ELAPOR2: variants seen among roughly 807,000 people sequenced by gnomAD.
ELAPOR2 encodes endosome-lysosome associated apoptosis and autophagy regulator family member 2, also known as endosome/lysosome-associated apoptosis and autophagy regulator family member 2.
A neutral mutation model predicts 120.7 loss-of-function variants in ELAPOR2; 89 were observed. That is an observed-to-expected ratio of 0.74 (90% CI 0.62 to 0.88). The LOEUF is 0.88. Ranked by LOEUF, ELAPOR2 falls within the 40% of genes least tolerant of loss-of-function variation. The pLI, the probability that ELAPOR2 is intolerant of heterozygous loss-of-function variation, is 0.00. For synonymous variants in ELAPOR2, 444 were observed against 444.9 expected (o/e 1.00, Z 0.03); for missense variants, 1,134 against 1,251.6 (o/e 0.91, Z 1.42).
At chr7:86,988,196 G>A (rs189131003) in intron 1 of ELAPOR2, among the ~76,000 whole-genome samples, 63 of 152,230 alleles carry the variant, frequency 4.1e-4, no homozygotes, top group African/African-American at 1.1e-3. Context: ...AGGGCCTGTC[G>A]TGGGGTCAGG....
intron 10 of ELAPOR2, among the ~76,000 whole-genome samples, chr7:86,924,828 T>C (rs1052080450): frequency 4.6e-5 from 7 of 151,840 alleles, no homozygotes; most frequent in Non-Finnish European, 7.4e-5. Flanking sequence ...AAACATAATA[T>C]AGAGAAAAGT....
In ELAPOR2 at chr7:86,912,095, T is replaced by A. The variant is rs779941430; in HGVS notation, c.2146A>T (p.Asn716Tyr). Residue 716 changes from asparagine (N) to tyrosine (Y), a missense_variant, in exon 15 of 22, where the codon AAT becomes TAT. Physicochemically the swap from Asn to Tyr is moderately radical, Grantham distance 143 (BLOSUM62 -2). Transcript: ENST00000450689. ...ACCTCATGCCCACATAAACTGATAT[T>A]GAAGAAATGGAAGTATTTTGTTCCT... is the stretch of plus-strand genomic sequence containing the variant. ...SKGTKYFHFF[N>Y]ISLCGHEGKK... The A allele has an allele frequency of 6.2e-7, 1 of 1,610,192 alleles. No homozygotes were observed. Among genetic ancestry groups the A allele is most frequent in the South Asian group, 1.1e-5 (1 of 90,922 alleles).
At chr7:86,984,785 C>G (rs368136841) in intron 1 of ELAPOR2, among the ~76,000 whole-genome samples, 49 of 152,174 alleles carry the variant, frequency 3.2e-4, no homozygotes, top group Non-Finnish European at 5.9e-4. Flanking sequence ...ACTAGAGAAG[C>G]AAGAACAAAC....
In ELAPOR2 at chr7:87,059,445, G is replaced by C; in HGVS notation, c.69C>G (p.Arg23=). 1.6e-6 allele frequency: 2 copies of C among 1,228,310 alleles called. No individual in the cohort carries two copies. Among genetic ancestry groups the C allele is most frequent in the Non-Finnish European group, 2.0e-6 (2 of 982,786 alleles). The allele number at this position is 1,228,310 out of a possible 1,614,324, so 76.1% of individuals were successfully genotyped here. A position where few individuals can be genotyped will look rare whatever the true frequency, so the allele number is the denominator to read the frequency against. Residue 23 remains arginine (R), a synonymous_variant, in exon 1 of 22, where the codon CGC becomes CGG. Transcript: ENST00000450689. The part of the protein sequence containing the change: ...GWGRPAEAPR[R]GRSPPWSPAW... ...CGGGGCTCCAGGGCGGCGAGCGCCC[G>C]CGGCGGGGAGCCTCCGCCGGCCGCC... is the stretch of plus-strand genomic sequence containing the variant.
chr7:87,010,930 T>TA (rs1389200195), intron 1 of ELAPOR2, among the ~76,000 whole-genome samples: 3 of 151,262 alleles, frequency 2.0e-5, no homozygotes. Context: ...CTTTGGAAAA[T>TA]AAAAAAATGT....
At position 86,879,628 on chromosome 7, in the gene ELAPOR2, T is replaced by C. The variant is rs1799305853; in HGVS notation, c.*843A>G. On this transcript the variant is annotated 3_prime_UTR_variant, in exon 22 of 22. Coordinates refer to ENST00000450689, the MANE Select transcript of ELAPOR2 (RefSeq NM_001142749.3). ...CCTTCTCACTCTCTTCTTCATGATT[T>C]TGCCAGTGATTTGATTGACAAGCTT... The C allele has an allele frequency of 6.6e-6, 1 of 152,204 alleles. No individual in the cohort carries two copies. The highest frequency in any genetic ancestry group is 1.5e-5 in the Non-Finnish European group (1 of 68,026). 9.4% of individuals were successfully genotyped at this position (152,204 alleles called of 1,614,324 possible). A position where few individuals can be genotyped will look rare whatever the true frequency, so the allele number is the denominator to read the frequency against.
intron 16 of ELAPOR2, 114 bp from the exon 17 acceptor site, chr7:86,908,657 G>A: frequency 7.4e-6 from 4 of 539,338 alleles, no homozygotes; most frequent in Non-Finnish European, 1.3e-5. Flanking sequence ...AATATTTACA[G>A]AAATGCTGTA....
Position 86,979,844 on chromosome 7 carries a change from G to A in ELAPOR2, c.190-14820C>T, listed in dbSNP as rs887239763. Among the ~76,000 whole-genome samples, 4 of 152,202 alleles carry A rather than the reference G, an allele frequency of 2.6e-5. No individual in the cohort carries two copies. In the East Asian group the frequency reaches 5.8e-4, roughly 22 times the overall value. Reference sequence around the variant, plus strand: ...GACTCCCAGGGGTGTCCAAGGGAGAGAATACAGTTGTGGGTTCTTCGTTTC... The same window carrying A: ...GACTCCCAGGGGTGTCCAAGGGAGAAAATACAGTTGTGGGTTCTTCGTTTC... On this transcript the variant is annotated intron_variant, in intron 1 of 21. Transcript: ENST00000450689.
intron 1 of ELAPOR2, among the ~76,000 whole-genome samples, chr7:87,030,690 A>G (rs1272022942): frequency 1.3e-5 from 2 of 152,202 alleles, no homozygotes; most frequent in South Asian, 4.1e-4. Flanking sequence ...GCAGACAACC[A>G]GAGGCTGAAA....
At chr7:86,977,986 A>G (rs1792336416) in intron 1 of ELAPOR2, among the ~76,000 whole-genome samples, 1 of 152,192 alleles carries the variant, frequency 6.6e-6, no homozygotes. Flanking sequence ...ATATATTAAT[A>G]TGTCATGGTC....
chr7:86,951,390 A>C (rs936648123), intron 2 of ELAPOR2, among the ~76,000 whole-genome samples: 8 of 152,260 alleles, frequency 5.3e-5, no homozygotes, highest in Admixed American at 3.3e-4. Context: ...AAGAACTCTA[A>C]AATATAAAAA....
chr7:86,928,531 G>A (rs993419751), intron 8 of ELAPOR2, among the ~76,000 whole-genome samples: 1 of 151,894 alleles, frequency 6.6e-6, no homozygotes, highest in African/African-American at 2.4e-5. Context: ...CCTGTACTAT[G>A]TAATCTTCTT....
intron 1 of ELAPOR2, among the ~76,000 whole-genome samples, chr7:87,001,556 G>T (rs1793315633): frequency 6.6e-6 from 1 of 152,154 alleles, no homozygotes; most frequent in Non-Finnish European, 1.5e-5. Context: ...AAGCCAGGGT[G>T]AGGTGGAGCA....
chr7:86,888,267 G>C (rs966570230), intron 21 of ELAPOR2, among the ~76,000 whole-genome samples: 4 of 152,228 alleles, frequency 2.6e-5, no homozygotes, highest in Admixed American at 1.3e-4. Flanking sequence ...GTTCTGGATA[G>C]ATATGGGTAG....
chr7:87,033,387 A>G (rs1794479523), intron 1 of ELAPOR2, among the ~76,000 whole-genome samples: 1 of 152,232 alleles, frequency 6.6e-6, no homozygotes, highest in Non-Finnish European at 1.5e-5. Context: ...CCCTGTAAGA[A>G]ACTAGATACA....
intron 1 of ELAPOR2, among the ~76,000 whole-genome samples, chr7:87,007,614 A>G (rs989640049): frequency 1.1e-4 from 17 of 152,208 alleles, no homozygotes; most frequent in Non-Finnish European, 2.2e-4. Flanking sequence ...CAGTTTCTAA[A>G]TATCATCTTT....
intron 3 of ELAPOR2, among the ~76,000 whole-genome samples, chr7:86,946,645 C>T (rs548803386): frequency 6.6e-6 from 1 of 152,300 alleles, no homozygotes; most frequent in African/African-American, 2.4e-5. Flanking sequence ...CCTCGACCTC[C>T]CAAAGTGCTG....
At chr7:86,930,070 T>C (rs1449615232) in intron 8 of ELAPOR2, among the ~76,000 whole-genome samples, 1 of 151,944 alleles carries the variant, frequency 6.6e-6, no homozygotes, top group African/African-American at 2.4e-5. Context: ...ACATATCCCC[T>C]AAATACTTAA....
intron 19 of ELAPOR2, among the ~76,000 whole-genome samples, chr7:86,893,502 C>T (rs1788284257): frequency 6.6e-6 from 1 of 151,470 alleles, no homozygotes; most frequent in Admixed American, 6.6e-5. Context: ...TGAATGAAAG[C>T]TTAGGTTGCT....
Sources: allele counts gnomAD v4.1 joint callset (sites outside exome capture counted in the v4.1 genomes callset), GRCh38; gene constraint gnomAD v4.1.1; transcripts MANE v1.5; gene names NCBI Gene and HGNC (gene_info 2026-07-23, HGNC 2026-07-21).